The following PAK3 variants were observed in gnomAD, a reference collection of about 807,000 sequenced individuals.
PAK3 encodes the protein p21 (RAC1) activated kinase 3.
A neutral mutation model predicts 41.0 loss-of-function variants in PAK3; 4 were observed. That is an observed-to-expected ratio of 0.10 (90% CI 0.05 to 0.22). PAK3 has a LOEUF of 0.22. Ranked by LOEUF, PAK3 falls within the 10% of genes least tolerant of loss-of-function variation. The pLI is 1.00. For synonymous variants in PAK3, 146 were observed against 139.6 expected (o/e 1.05, Z -0.32); for missense variants, 205 against 409.9 (o/e 0.50, Z 4.32).
At chrX:111,080,233 AAGGAAG>A (rs1334539054) in intron 1 of PAK3, among the ~76,000 whole-genome samples, 4 of 111,656 alleles carry the variant, frequency 3.6e-5, no homozygotes, top group African/African-American at 9.8e-5. Context: ...TCTTTCACGA[AAGGAAG>A]AGCCCATTGA....
intron 1 of PAK3, among the ~76,000 whole-genome samples, chrX:110,961,340 G>A (rs2148612980): frequency 8.9e-6 from 1 of 111,739 alleles, no homozygotes; most frequent in Admixed American, 9.5e-5. Flanking sequence ...TAAGCTACAT[G>A]TCACTTTTCT....
intron 1 of PAK3, among the ~76,000 whole-genome samples, chrX:110,948,444 T>G (rs2090668584): frequency 8.9e-6 from 1 of 111,860 alleles, no homozygotes; most frequent in Non-Finnish European, 1.9e-5. Context: ...AGGAGACGCT[T>G]CTTGAACAAC....
intron 1 of PAK3, among the ~76,000 whole-genome samples, chrX:110,946,306 C>A (rs944402687): frequency 9.3e-6 from 1 of 107,419 alleles, no homozygotes; most frequent in Non-Finnish European, 1.9e-5. Context: ...CTGCCAAATT[C>A]TCAACAAACT....
intron 8 of PAK3, among the ~76,000 whole-genome samples, chrX:111,155,206 C>T (rs1239627139): frequency 9.0e-6 from 1 of 110,688 alleles, no homozygotes; most frequent in Non-Finnish European, 1.9e-5. Context: ...AAGTACAATA[C>T]AGTATGGATA....
intron 8 of PAK3, among the ~76,000 whole-genome samples, chrX:111,161,028 G>A (rs1363990919): frequency 9.0e-6 from 1 of 111,320 alleles, no homozygotes; most frequent in African/African-American, 3.3e-5. Context: ...CTAGATCCCT[G>A]AGGAATCACC....
At chrX:111,095,726 A>G (rs1226141347), upstream of PAK3, among the ~76,000 whole-genome samples, 3 of 111,762 alleles carry the variant, frequency 2.7e-5, no homozygotes, top group Middle Eastern at 4.6e-3. Context: ...TATTTTAGAG[A>G]TTCCGTCAGT....
intron 4 of PAK3, 122 bp downstream of exon 4, chrX:111,103,428 A>C (rs1468705933): frequency 1.8e-5 from 2 of 112,596 alleles, no homozygotes; most frequent in Non-Finnish European, 3.8e-5. Context: ...GCCTCAGGGC[A>C]TGACCCCTAT....
At chrX:111,173,188 C>G in intron 11 of PAK3, 107 bp downstream of exon 11, 1 of 500,886 alleles carries the variant, frequency 2.0e-6, no homozygotes, top group East Asian at 3.7e-5. Flanking sequence ...TTCTCATTTC[C>G]TAGATTATAT....
chrX:111,074,876 G>A (rs1194543207), intron 1 of PAK3, among the ~76,000 whole-genome samples: 1 of 111,828 alleles, frequency 8.9e-6, no homozygotes, highest in Non-Finnish European at 1.9e-5. Context: ...AAGATCATTC[G>A]TATTATGCCC....
At chrX:111,133,838 C>T (rs1002286454) in intron 5 of PAK3, among the ~76,000 whole-genome samples, 2 of 112,068 alleles carry the variant, frequency 1.8e-5, no homozygotes, top group African/African-American at 3.2e-5. Flanking sequence ...ATTTTGCATG[C>T]TTTTCATTGC....
At chrX:111,001,852 A>G in intron 1 of PAK3, among the ~76,000 whole-genome samples, 1 of 110,448 alleles carries the variant, frequency 9.1e-6, no homozygotes, top group East Asian at 2.9e-4. Flanking sequence ...ACATGGGAGG[A>G]GCCAGCCTAA....
chrX:111,103,725 G>A (rs903166978), intron 4 of PAK3, among the ~76,000 whole-genome samples: 1 of 111,099 alleles, frequency 9.0e-6, no homozygotes, highest in Non-Finnish European at 1.9e-5. Flanking sequence ...GATTTCTACT[G>A]CCCCATAACC....
intron 1 of PAK3, among the ~76,000 whole-genome samples, chrX:110,945,576 C>G: frequency 8.9e-6 from 1 of 111,995 alleles, no homozygotes; most frequent in East Asian, 2.8e-4. Context: ...CCCTGCAGTG[C>G]CTTCCCACAC....
chrX:111,210,681 T>C (rs1299500762), intron 16 of PAK3, among the ~76,000 whole-genome samples: 1 of 112,225 alleles, frequency 8.9e-6, no homozygotes, highest in Admixed American at 9.5e-5. Context: ...GAGCAAGTTG[T>C]CACAAAATCC....
At chrX:111,142,633 T>C (rs190442606) in intron 6 of PAK3, among the ~76,000 whole-genome samples, 10 of 112,265 alleles carry the variant, frequency 8.9e-5, no homozygotes, top group Non-Finnish European at 1.7e-4. Flanking sequence ...AGAATCTCTA[T>C]GGAACTGACC....
intron 1 of PAK3, among the ~76,000 whole-genome samples, chrX:110,970,433 T>C (rs1232551110): frequency 8.9e-6 from 1 of 111,989 alleles, no homozygotes; most frequent in East Asian, 2.8e-4. Context: ...AAGAATGAGT[T>C]CATGTCCTTT....
intron 1 of PAK3, among the ~76,000 whole-genome samples, chrX:110,983,485 A>AGAGAGAGAGAGAGAGC (rs1225469157): frequency 2.0e-5 from 2 of 99,474 alleles, no homozygotes; most frequent in Non-Finnish European, 4.0e-5. Context: ...AAAGACAGAG[A>AGAGAGAGAGAGAGAGC]GAGAGAGGAT....
intron 1 of PAK3, among the ~76,000 whole-genome samples, chrX:111,011,044 T>C (rs1332115193): frequency 8.9e-6 from 1 of 111,938 alleles, no homozygotes; most frequent in Non-Finnish European, 1.9e-5. Context: ...CTTGAGGTGA[T>C]AAATTTGAAA....
chrX:111,105,555 C>T (rs182537288), intron 4 of PAK3, among the ~76,000 whole-genome samples: 4 of 111,781 alleles, frequency 3.6e-5, no homozygotes, highest in East Asian at 2.8e-4. Flanking sequence ...CATATATCCA[C>T]GTTTATATTT....
Sources: gnomAD v4.1 joint callset for allele counts (sites outside exome capture counted in the v4.1 genomes callset) on GRCh38, gnomAD v4.1.1 for gene constraint, MANE v1.5 for transcripts, NCBI Gene and HGNC (gene_info 2026-07-23, HGNC 2026-07-21) for gene names.